The following PALM2AKAP2 variants were observed in gnomAD, a reference collection of about 807,000 sequenced individuals.
PALM2AKAP2 encodes PALM2 and AKAP2 fusion.
In PALM2AKAP2, 37 loss-of-function variants were observed where a neutral mutation model predicts 71.5. The observed-to-expected ratio is 0.52, with a 90% CI of 0.40 to 0.68. The LOEUF (loss-of-function observed/expected upper bound fraction) is 0.68, where lower values mean the gene tolerates loss of function less well. Among genes scored for constraint, PALM2AKAP2 ranks in the 30% least tolerant of loss-of-function variants. The pLI, the probability that PALM2AKAP2 is intolerant of heterozygous loss-of-function variation, is 0.00. For synonymous variants in PALM2AKAP2, 468 were observed against 478.8 expected, an observed-to-expected ratio of 0.98 and a Z score of 0.29; for missense variants, 1,224 against 1,191.8, an observed-to-expected ratio of 1.03 and a Z score of -0.40.
Position 109,869,320 on chromosome 9 carries a change from T to C in PALM2AKAP2, c.126+1749T>C, listed in dbSNP as rs539439193. Among the ~76,000 whole-genome samples the C allele has an allele frequency of 3.0e-4, 46 of 152,072 alleles. 1 individual carries two copies. The highest frequency in any genetic ancestry group is 3.8e-4 in the East Asian group (2 of 5,200). On this transcript the variant is annotated intron_variant, in intron 2 of 9. Transcript: ENST00000302798. ...GTATATTCTGTTCATATTACATCTATTCATTTTTTTATTTGTTTGTTTGTT... is the reference window on the plus strand; with the variant it reads ...GTATATTCTGTTCATATTACATCTACTCATTTTTTTATTTGTTTGTTTGTT...
chr9:110,116,807 T>C (rs1835373201), intron 1 of PALM2AKAP2, among the ~76,000 whole-genome samples: 1 of 152,148 alleles, frequency 6.6e-6, no homozygotes, highest in Non-Finnish European at 1.5e-5. Context: ...AGAGTACTCC[T>C]AAACAGATAA....
chr9:109,769,479 C>G (rs1261701907), intron 1 of PALM2AKAP2, among the ~76,000 whole-genome samples: 1 of 152,160 alleles, frequency 6.6e-6, no homozygotes, highest in Non-Finnish European at 1.5e-5. Context: ...TTGCACCAAC[C>G]TAACAGTGTC....
At chr9:109,969,522 A>C (rs1032691045) in intron 6 of PALM2AKAP2, among the ~76,000 whole-genome samples, 9 of 152,224 alleles carry the variant, frequency 5.9e-5, no homozygotes, top group Admixed American at 3.3e-4. Context: ...CAGGCAGTTC[A>C]AACTCAGTCG....
chr9:109,919,661 A>G (rs192310210), intron 3 of PALM2AKAP2, among the ~76,000 whole-genome samples: 2 of 151,986 alleles, frequency 1.3e-5, no homozygotes, highest in East Asian at 3.9e-4. Flanking sequence ...ATGTGTATAT[A>G]TATTATATAA....
intron 7 of PALM2AKAP2, among the ~76,000 whole-genome samples, chr9:110,034,362 T>C (rs1442251644): frequency 6.6e-6 from 1 of 152,066 alleles, no homozygotes; most frequent in African/African-American, 2.4e-5. Context: ...TTCTCCATGT[T>C]GTTCAGGCTG....
chr9:110,097,580 G>A (rs955424516), intron 1 of PALM2AKAP2, among the ~76,000 whole-genome samples: 71 of 150,284 alleles, frequency 4.7e-4, no homozygotes, highest in Non-Finnish European at 8.3e-4. Context: ...GGGCAGAGAC[G>A]CTCCTCACTT....
intron 1 of PALM2AKAP2, among the ~76,000 whole-genome samples, chr9:110,117,433 A>G (rs1216379126): frequency 1.3e-5 from 2 of 152,286 alleles, no homozygotes; most frequent in Non-Finnish European, 2.9e-5. Context: ...CCAATAATCC[A>G]CATCTCTATG....
chr9:109,644,783 C>A (rs1827125167), intron 1 of PALM2AKAP2, among the ~76,000 whole-genome samples: 1 of 152,190 alleles, frequency 6.6e-6, no homozygotes, highest in African/African-American at 2.4e-5. Context: ...GGGAAAAATG[C>A]TGCCAGTTTC....
At chr9:109,939,133 C>T (rs1381515300) in intron 6 of PALM2AKAP2, among the ~76,000 whole-genome samples, 1 of 152,154 alleles carries the variant, frequency 6.6e-6, no homozygotes, top group Non-Finnish European at 1.5e-5. Flanking sequence ...ATCACCTGCT[C>T]TAAAGCATCA....
At chr9:109,742,251 TCACACACACACACACACACACACACA>T (rs72323941) in intron 1 of PALM2AKAP2, among the ~76,000 whole-genome samples, 17 of 145,412 alleles carry the variant, frequency 1.2e-4, no homozygotes, top group African/African-American at 3.6e-4. Context: ...TGTGATGTAT[TCACACACACACACACACACACACACA>T]CACACACACA....
At position 110,022,565 on chromosome 9, in the gene PALM2AKAP2, TTTTTA is replaced by T. The variant is rs1251922765; in HGVS notation, c.582+6544_582+6548del. Among the ~76,000 whole-genome samples, 9 of 149,986 alleles carry T rather than the reference TTTTTA, an allele frequency of 6.0e-5. No homozygotes were observed. In the East Asian group the frequency reaches 1.4e-3, roughly 23 times the overall value. ...ACATTCTTTTCTTTTTTTTTCTTTA[TTTTTA>T]TTTTATTTTATTTTATTATTATTAT... On this transcript the variant is annotated intron_variant, in intron 7 of 9. Transcript: ENST00000302798.
intron 1 of PALM2AKAP2, among the ~76,000 whole-genome samples, chr9:109,842,783 G>A (rs571649613): frequency 2.0e-5 from 3 of 152,218 alleles, no homozygotes; most frequent in Admixed American, 2.0e-4. Context: ...GGGAGGCCAA[G>A]GTGGGAGGAT....
intron 3 of PALM2AKAP2, among the ~76,000 whole-genome samples, chr9:109,897,101 C>A (rs1830219815): frequency 6.6e-6 from 1 of 152,136 alleles, no homozygotes; most frequent in Non-Finnish European, 1.5e-5. Flanking sequence ...CTGGGACCAA[C>A]CTAGCATAAG....
At chr9:110,151,100 T>G (rs1413475023) in intron 2 of PALM2AKAP2, among the ~76,000 whole-genome samples, 1 of 152,224 alleles carries the variant, frequency 6.6e-6, no homozygotes, top group Admixed American at 6.5e-5. Flanking sequence ...GCCAGAAAAG[T>G]TCCCTGGAAG....
intron 1 of PALM2AKAP2, among the ~76,000 whole-genome samples, chr9:109,696,378 A>G (rs1013145458): frequency 6.6e-6 from 1 of 152,242 alleles, no homozygotes; most frequent in Non-Finnish European, 1.5e-5. Context: ...AGAAATGTGA[A>G]TTAAAGTTGC....
intron 1 of PALM2AKAP2, among the ~76,000 whole-genome samples, chr9:110,113,113 C>T (rs984332450): frequency 5.3e-5 from 8 of 152,194 alleles, no homozygotes; most frequent in Admixed American, 1.3e-4. Flanking sequence ...GCTGGGCAGT[C>T]GATAAGCCTG....
intron 3 of PALM2AKAP2, among the ~76,000 whole-genome samples, chr9:109,883,047 A>G (rs1331142082): frequency 6.6e-6 from 1 of 152,156 alleles, no homozygotes; most frequent in African/African-American, 2.4e-5. Context: ...ATTATGGTCC[A>G]ATAGGTGGTA....
chr9:109,686,980 A>C (rs986719688), intron 1 of PALM2AKAP2, among the ~76,000 whole-genome samples: 34 of 152,104 alleles, frequency 2.2e-4, no homozygotes, highest in African/African-American at 7.2e-4. Context: ...TTCCAGCTTC[A>C]TCCATGTCCC....
Position 110,136,963 on chromosome 9 carries a change from G to A in PALM2AKAP2, c.993G>A (p.Trp331Ter), listed in dbSNP as rs769416000. 1 of 1,614,138 alleles carries A rather than the reference G, an allele frequency of 6.2e-7. No homozygotes were observed. Among genetic ancestry groups the A allele is most frequent in the South Asian group, 1.1e-5 (1 of 91,080 alleles). ...ATCCTGGCATTGCAGCAAAATGGTG[G>A]AATCCCCCGCAGGAAAAAACCATCG... Residue 331 changes from tryptophan (W) to a stop codon, truncating the protein, a stop_gained, in exon 2 of 4, where the codon TGG becomes TGA. Transcript: ENST00000374525. LOFTEE classifies it high-confidence loss of function.
Sources: allele counts gnomAD v4.1 joint callset (sites outside exome capture counted in the v4.1 genomes callset), GRCh38; gene constraint gnomAD v4.1.1; transcripts MANE v1.5; gene names NCBI Gene and HGNC (gene_info 2026-07-23, HGNC 2026-07-21).